OPCML: variants seen among roughly 807,000 people sequenced by gnomAD.
OPCML encodes the protein opioid-binding protein/cell adhesion molecule.
OPCML carries 13 observed loss-of-function variants against 37.8 expected under a neutral mutation model. That is an observed-to-expected ratio of 0.34 (90% CI 0.22 to 0.55). The LOEUF is 0.55. OPCML is among the 20% of genes least tolerant of loss of function. OPCML has a pLI of 0.91. For missense variants in OPCML, 341 were observed against 435.6 expected (o/e 0.78, Z 1.93); for synonymous variants, 176 against 168.8 (o/e 1.04, Z -0.33).
intron 2 of OPCML, among the ~76,000 whole-genome samples, chr11:132,921,256 C>T (rs74455774): frequency 1.6e-4 from 24 of 152,294 alleles, no homozygotes; most frequent in Admixed American, 7.8e-4. Context: ...AGTTCGCCTC[C>T]CTGTTTGGCT....
intron 1 of OPCML, among the ~76,000 whole-genome samples, chr11:133,379,519 G>T (rs188136056): frequency 5.3e-5 from 8 of 152,184 alleles, no homozygotes; most frequent in African/African-American, 1.7e-4. Context: ...GCTTTTAAAC[G>T]TGTGTTTCTT....
chr11:133,016,178 G>C (rs1374897518), intron 1 of OPCML, among the ~76,000 whole-genome samples: 1 of 152,184 alleles, frequency 6.6e-6, no homozygotes, highest in Non-Finnish European at 1.5e-5. Flanking sequence ...ATCTCAAAGT[G>C]TGTAGGTCAG....
intron 1 of OPCML, among the ~76,000 whole-genome samples, chr11:133,011,182 T>A (rs1947205294): frequency 6.6e-6 from 1 of 152,176 alleles, no homozygotes; most frequent in Non-Finnish European, 1.5e-5. Context: ...CAAGCAGAGC[T>A]GAAAAATTTG....
intron 1 of OPCML, among the ~76,000 whole-genome samples, chr11:133,527,237 A>C (rs796281004): frequency 1.3e-5 from 2 of 152,284 alleles, no homozygotes; most frequent in African/African-American, 4.8e-5. Context: ...ACCCCACCAA[A>C]TATACCACAA....
At chr11:132,896,745 G>T (rs1025509592) in intron 2 of OPCML, among the ~76,000 whole-genome samples, 5 of 152,204 alleles carry the variant, frequency 3.3e-5, no homozygotes, top group Admixed American at 3.3e-4. Context: ...TCATGACCAA[G>T]AAGTAGAAAC....
chr11:133,073,386 A>C (rs1417834484), intron 1 of OPCML, among the ~76,000 whole-genome samples: 6 of 152,224 alleles, frequency 3.9e-5, no homozygotes, highest in Non-Finnish European at 8.8e-5. Context: ...GGAATGGTGG[A>C]TTTCCATGGA....
chr11:132,520,700 G>GTA (rs1410969999), intron 4 of OPCML, among the ~76,000 whole-genome samples: 1 of 149,364 alleles, frequency 6.7e-6, no homozygotes, highest in African/African-American at 2.5e-5. Context: ...GTGTGTGTGT[G>GTA]TGTATGCATA....
chr11:133,106,855 C>T (rs1949166536), intron 1 of OPCML, among the ~76,000 whole-genome samples: 1 of 152,206 alleles, frequency 6.6e-6, no homozygotes, highest in African/African-American at 2.4e-5. Context: ...CGCCTTGTAC[C>T]ATGCCTCTCT....
At chr11:132,765,002 T>A (rs1336719110) in intron 2 of OPCML, among the ~76,000 whole-genome samples, 3 of 152,188 alleles carry the variant, frequency 2.0e-5, no homozygotes, top group Middle Eastern at 3.2e-3. Context: ...CCCCTTGCAT[T>A]TGATTGGGTA....
rs139184356 is a variant in OPCML, at chr11:133,136,205, C to T, written c.62-193195G>A. Among the ~76,000 whole-genome samples the T allele has an allele frequency of 3.7e-3, 563 of 152,222 alleles. 1 individual carries two copies. The highest frequency in any genetic ancestry group is 5.7e-3 in the Non-Finnish European group (385 of 68,034). On this transcript the variant is annotated intron_variant, in intron 1 of 7. Coordinates refer to ENST00000524381, the MANE Select transcript of OPCML (RefSeq NM_001012393.5). ...TTAGGTTTCTATTTGTGAAGAAGGG[C>T]TCTTATGAGTCAAGATAGAGGAGTA...
intron 1 of OPCML, among the ~76,000 whole-genome samples, chr11:132,971,993 T>C (rs1423774917): frequency 6.6e-6 from 1 of 152,206 alleles, no homozygotes; most frequent in Non-Finnish European, 1.5e-5. Context: ...CATTTGCTTT[T>C]ACAGCAGAAC....
At chr11:132,447,473 T>C (rs2096058442) in intron 4 of OPCML, among the ~76,000 whole-genome samples, 1 of 151,962 alleles carries the variant, frequency 6.6e-6, no homozygotes, top group Non-Finnish European at 1.5e-5. Flanking sequence ...AATTTTTTTT[T>C]TTTTTTTGTA....
chr11:132,678,927 C>T (rs1942824342), intron 2 of OPCML, among the ~76,000 whole-genome samples: 1 of 152,014 alleles, frequency 6.6e-6, no homozygotes, highest in Non-Finnish European at 1.5e-5. Context: ...GTAACAATGG[C>T]CCACTCCGGT....
At chr11:133,392,489 A>C (rs1490177631) in intron 1 of OPCML, among the ~76,000 whole-genome samples, 2 of 152,178 alleles carry the variant, frequency 1.3e-5, no homozygotes, top group African/African-American at 4.8e-5. Context: ...CCTAAGAAGA[A>C]GGCTGGATCC....
intron 3 of OPCML, among the ~76,000 whole-genome samples, chr11:132,618,638 C>A (rs773738061): frequency 5.9e-5 from 9 of 152,148 alleles, no homozygotes; most frequent in Non-Finnish European, 8.8e-5. Context: ...ACTTCTTTAT[C>A]CACATAGATC....
chr11:133,330,012 A>C (rs1214110662), intron 1 of OPCML, among the ~76,000 whole-genome samples: 1 of 152,222 alleles, frequency 6.6e-6, no homozygotes, highest in Admixed American at 6.5e-5. Flanking sequence ...ACCCCATCAA[A>C]AAGTGGGCAA....
At chr11:132,480,208 A>C (rs910158612) in intron 4 of OPCML, among the ~76,000 whole-genome samples, 9 of 152,190 alleles carry the variant, frequency 5.9e-5, no homozygotes, top group Non-Finnish European at 8.8e-5. Context: ...AGGCTTGAGA[A>C]CTACATGAAG....
At chr11:133,195,889 G>C (rs1277839844) in intron 1 of OPCML, among the ~76,000 whole-genome samples, 3 of 152,122 alleles carry the variant, frequency 2.0e-5, no homozygotes, top group Non-Finnish European at 4.4e-5. Context: ...ACCAACAATG[G>C]TCTTGAAAGG....
chr11:133,082,970 G>C (rs1350115504), intron 1 of OPCML, among the ~76,000 whole-genome samples: 1 of 150,952 alleles, frequency 6.6e-6, no homozygotes, highest in Non-Finnish European at 1.5e-5. Flanking sequence ...ACCGCACCTC[G>C]TCCGCGCGGC....
Sources: gnomAD v4.1 joint callset for allele counts (sites outside exome capture counted in the v4.1 genomes callset) on GRCh38, gnomAD v4.1.1 for gene constraint, MANE v1.5 for transcripts, NCBI Gene and HGNC (gene_info 2026-07-23, HGNC 2026-07-21) for gene names.